IL1A: variants seen among roughly 807,000 people sequenced by gnomAD.
IL1A encodes interleukin 1 alpha.
Under a neutral mutation model 22.2 loss-of-function variants are expected in IL1A, and 16 were observed. The observed-to-expected ratio is 0.72, with a 90% CI of 0.49 to 1.09. The LOEUF is 1.09. IL1A is among the 50% of genes least tolerant of loss of function. The pLI is 0.00. For synonymous variants in IL1A, 113 were observed against 118.5 expected, an observed-to-expected ratio of 0.95 and a Z score of 0.30; for missense variants, 317 against 321.8, an observed-to-expected ratio of 0.99 and a Z score of 0.11.
intron 5 of IL1A, 82 bp from the exon 6 acceptor site, chr2:112,778,193 G>GGTGTGTGTGTGTGTGTGT (rs3074430): frequency 1.5e-5 from 10 of 662,656 alleles, no homozygotes; most frequent in African/African-American, 1.2e-4. Flanking sequence ...GTGTGTGCAT[G>GGTGTGTGTGTGTGTGTGT]GTGTGTGTGT....
intron 2 of IL1A, 113 bp downstream of exon 2, chr2:112,783,611 A>T: frequency 2.4e-6 from 2 of 841,508 alleles, no homozygotes; most frequent in Non-Finnish European, 4.1e-6. Context: ...ACTAGTACAC[A>T]TCTCTACAAC....
At chr2:112,777,358 T>C (rs1460200131) in intron 6 of IL1A, among the ~76,000 whole-genome samples, 1 of 152,230 alleles carries the variant, frequency 6.6e-6, no homozygotes, top group Non-Finnish European at 1.5e-5. Flanking sequence ...GGCAGGCACA[T>C]AAATTCTACT....
At chr2:112,775,589 T>A (rs1681085893) in intron 6 of IL1A, among the ~76,000 whole-genome samples, 1 of 152,162 alleles carries the variant, frequency 6.6e-6, no homozygotes, top group African/African-American at 2.4e-5. Flanking sequence ...TGTCCTGCCT[T>A]CAACATAGGC....
intron 4 of IL1A, among the ~76,000 whole-genome samples, chr2:112,780,665 G>C (rs1285164655): frequency 6.6e-6 from 1 of 152,196 alleles, no homozygotes; most frequent in Non-Finnish European, 1.5e-5. Context: ...GGATTCTTGT[G>C]AGGTTTAGAC....
chr2:112,783,861 T>G, intron 1 of IL1A, 83 bp from the exon 2 acceptor site: 7 of 1,231,912 alleles, frequency 5.7e-6, no homozygotes, highest in Non-Finnish European at 8.4e-6. Context: ...CTCTTTGTGC[T>G]TCCTGAAAAC....
intron 4 of IL1A, among the ~76,000 whole-genome samples, chr2:112,781,159 C>T (rs942285948): frequency 2.0e-5 from 3 of 152,124 alleles, no homozygotes; most frequent in African/African-American, 7.2e-5. Flanking sequence ...CAGGAGGGCC[C>T]AGCTAGCTCA....
At chr2:112,781,340 T>C (rs1323617800) in intron 4 of IL1A, among the ~76,000 whole-genome samples, 1 of 152,194 alleles carries the variant, frequency 6.6e-6, no homozygotes, top group East Asian at 1.9e-4. Flanking sequence ...TTATTACTGC[T>C]TTCTCCTGAA....
rs751811065 is a variant in IL1A, at chr2:112,781,595, A to G, written c.319+9T>C. ...TAAAAGAAAGATATTATTGTGCTTG[A>G]CCCCTTACCTTCCTCTGAGTCATTG... On this transcript the variant is annotated intron_variant, in intron 4 of 6. Coordinates refer to ENST00000263339, the MANE Select transcript of IL1A (RefSeq NM_000575.5). 8 of 1,602,268 alleles carry G rather than the reference A, an allele frequency of 5.0e-6. No homozygotes were observed. The highest frequency in any genetic ancestry group is 5.1e-6 in the Non-Finnish European group (6 of 1,169,352).
intron 4 of IL1A, 36 bp from the exon 5 acceptor site, chr2:112,779,702 T>C: frequency 6.5e-7 from 1 of 1,528,326 alleles, no homozygotes; most frequent in African/African-American, 1.4e-5. Flanking sequence ...TTAATGTCTA[T>C]GTACAAACAC....
Position 112,781,822 on chromosome 2 carries a change from G to C in IL1A, c.101C>G (p.Ser34Cys). 6.2e-7 allele frequency: 1 copy of C among 1,611,426 alleles called. No individual in the cohort carries two copies. Among genetic ancestry groups the C allele is most frequent in the Middle Eastern group, 1.7e-4 (1 of 6,058 alleles). ...SIDHLSLNQK[S>C]FYHVSYGPLH... ...TGGGCCATAGCTTACATGATAGAAGGATTTCTGTGAGGAAGGAAAACAGAA... is the reference window on the plus strand; with the variant it reads ...TGGGCCATAGCTTACATGATAGAAGCATTTCTGTGAGGAAGGAAAACAGAA... Residue 34 changes from serine to cysteine, a missense_variant, in exon 4 of 7, where the codon TCC becomes TGC. By Grantham distance (112) the Ser-to-Cys change is moderately radical. Transcript: ENST00000263339.
chr2:112,779,379 G>A lies in IL1A; in HGVS notation c.490+117C>T, dbSNP rs116381488. ...TGCTTCAAGCTATTCTGGAAGAATTGTGCAACCCAGAACTCTGAAGAGGTA... is the reference window on the plus strand; with the variant it reads ...TGCTTCAAGCTATTCTGGAAGAATTATGCAACCCAGAACTCTGAAGAGGTA... On this transcript the variant is annotated intron_variant, in intron 5 of 6. Transcript: ENST00000263339. 1.5e-3 allele frequency: 1,191 copies of A among 775,414 alleles called. 4 individuals are homozygous for A. In the African/African-American group the frequency reaches 0.019, roughly 12 times the overall value. 48.0% of individuals were successfully genotyped at this position (775,414 alleles called of 1,614,324 possible). A position where few individuals can be genotyped will look rare whatever the true frequency, so the allele number is the denominator to read the frequency against.
At chr2:112,780,650 A>C (rs1681180111) in intron 4 of IL1A, among the ~76,000 whole-genome samples, 1 of 152,202 alleles carries the variant, frequency 6.6e-6, no homozygotes, top group Non-Finnish European at 1.5e-5. Context: ...TAAAATGAGA[A>C]GGTAGGATTC....
In IL1A at chr2:112,775,147, T is replaced by C. The variant is rs1250842242; in HGVS notation, c.736A>G (p.Thr246Ala). 17 of 1,614,222 alleles carry C rather than the reference T, an allele frequency of 1.1e-5. No homozygotes were observed. Among genetic ancestry groups the C allele is most frequent in the Non-Finnish European group, 1.4e-5 (17 of 1,180,032 alleles). Residue 246 changes from threonine to alanine, a missense_variant, in exon 7 of 7, where the codon ACA becomes GCA. By Grantham distance (58) the Thr-to-Ala change is moderately conservative. Coordinates refer to ENST00000263339, the MANE Select transcript of IL1A (RefSeq NM_000575.5). ...AAGCACACCCAGTAGTCTTGCTTTG[T>C]GGCAATAAACAAGTTTGGATGGGCA... The part of the protein sequence containing the change: ...SVAHPNLFIA[T>A]KQDYWVCLAG...
chr2:112,776,434 A>G, intron 6 of IL1A, among the ~76,000 whole-genome samples: 1 of 136,528 alleles, frequency 7.3e-6, no homozygotes. Flanking sequence ...AATGTCCCAA[A>G]AACCCACAAC....
At chr2:112,775,398 C>CCTG in intron 6 of IL1A, 131 bp from the exon 7 acceptor site, 1 of 654,418 alleles carries the variant, frequency 1.5e-6, no homozygotes, top group South Asian at 1.9e-5. Flanking sequence ...ATGCTATAGG[C>CCTG]TCTTCATTCA....
intron 2 of IL1A, among the ~76,000 whole-genome samples, chr2:112,783,288 T>C (rs1228486329): frequency 6.6e-6 from 1 of 152,252 alleles, no homozygotes; most frequent in Non-Finnish European, 1.5e-5. Flanking sequence ...TGTGTTCATT[T>C]ACCTTTCTTC....
At chr2:112,783,202 A>C (rs1681244939) in intron 2 of IL1A, among the ~76,000 whole-genome samples, 1 of 152,254 alleles carries the variant, frequency 6.6e-6, no homozygotes, top group Non-Finnish European at 1.5e-5. Context: ...AAATTTTGAC[A>C]GCCTAGTTTG....
At position 112,783,876 on chromosome 2, in the gene IL1A, T is replaced by G; in HGVS notation, c.-8-98A>C. ...CTCTTTGTGCTTCCTGAAAACTTTG[T>G]TGAATGACTTAGTCCACATTCAGCA... On this transcript the variant is annotated intron_variant, in intron 1 of 6. Transcript: ENST00000263339. 3 of 1,005,572 alleles carry G rather than the reference T, an allele frequency of 3.0e-6. No homozygotes were observed. The South Asian group carries it at 3.8e-5, about 13-fold the overall frequency. The allele number at this position is 1,005,572 out of a possible 1,614,324, so 62.3% of individuals were successfully genotyped here. A position where few individuals can be genotyped will look rare whatever the true frequency, so the allele number is the denominator to read the frequency against.
intron 4 of IL1A, among the ~76,000 whole-genome samples, chr2:112,779,934 T>A (rs1460127733): frequency 6.6e-6 from 1 of 152,248 alleles, no homozygotes; most frequent in Non-Finnish European, 1.5e-5. Context: ...AACTTTTTCA[T>A]TTTTCATTGT....
Sources: gnomAD v4.1 joint callset for allele counts (sites outside exome capture counted in the v4.1 genomes callset) on GRCh38, gnomAD v4.1.1 for gene constraint, MANE v1.5 for transcripts, NCBI Gene and HGNC (gene_info 2026-07-23, HGNC 2026-07-21) for gene names.